BRMS1L: variants seen among roughly 807,000 people sequenced by gnomAD.
BRMS1L encodes BRMS1 like transcriptional repressor, also known as breast cancer metastasis-suppressor 1-like protein.
Under a neutral mutation model 50.3 loss-of-function variants are expected in BRMS1L, and 23 were observed. The observed-to-expected ratio is 0.46, with a 90% CI of 0.33 to 0.65. BRMS1L has a LOEUF of 0.65. Ranked by LOEUF, BRMS1L falls within the 30% of genes least tolerant of loss-of-function variation. The pLI is 0.02. For missense variants in BRMS1L, 286 were observed against 386.1 expected, an observed-to-expected ratio of 0.74 and a Z score of 2.17; for synonymous variants, 114 against 126.9, an observed-to-expected ratio of 0.90 and a Z score of 0.69.
chr14:35,852,996 A>G (rs749992484), intron 4 of BRMS1L, among the ~76,000 whole-genome samples: 2 of 150,292 alleles, frequency 1.3e-5, no homozygotes, highest in Non-Finnish European at 2.9e-5. Flanking sequence ...ATCTGTATCT[A>G]TCTATCTATC....
chr14:35,851,383 C>CAA (rs35957897), intron 4 of BRMS1L, among the ~76,000 whole-genome samples: 164 of 83,938 alleles, frequency 2.0e-3, no homozygotes, highest in Middle Eastern at 7.5e-3. Flanking sequence ...AAAAGCATGC[C>CAA]AAAAAAAAAA....
At chr14:35,829,031 TG>T (rs1279546924) in intron 1 of BRMS1L, among the ~76,000 whole-genome samples, 2 of 151,982 alleles carry the variant, frequency 1.3e-5, no homozygotes, top group African/African-American at 4.8e-5. Flanking sequence ...CTGCAACCTC[TG>T]CCTCCTGGAT....
rs1425921948 is a variant in BRMS1L, at chr14:35,868,874, TTATATAACTATTTG to T, written c.854+847_854+860del. Among the ~76,000 whole-genome samples the T allele has an allele frequency of 4.6e-5, 7 of 152,338 alleles. 1 individual carries two copies. Among genetic ancestry groups the T allele is most frequent in the Middle Eastern group, 3.4e-3 (1 of 294 alleles). ...TAATATGTCTAGGCTTAAATAAAGT[TTATATAACTATTTG>T]TATAGCCTTCTAAGTTTTATCTGGT... On this transcript the variant is annotated intron_variant, in intron 9 of 9. Transcript: ENST00000216807.
At chr14:35,834,597 T>C (rs541588480) in intron 3 of BRMS1L, among the ~76,000 whole-genome samples, 1 of 152,306 alleles carries the variant, frequency 6.6e-6, no homozygotes, top group African/African-American at 2.4e-5. Flanking sequence ...GAGTAATCTT[T>C]AGAAGAATAG....
At chr14:35,852,794 G>A (rs956832895) in intron 4 of BRMS1L, among the ~76,000 whole-genome samples, 4 of 152,086 alleles carry the variant, frequency 2.6e-5, no homozygotes, top group Non-Finnish European at 5.9e-5. Context: ...AGCCGGGCGC[G>A]GTGGCGGGCA....
At chr14:35,843,609 G>T (rs1166901641) in intron 4 of BRMS1L, among the ~76,000 whole-genome samples, 2 of 152,214 alleles carry the variant, frequency 1.3e-5, no homozygotes, top group Non-Finnish European at 2.9e-5. Context: ...CCTGTATGAG[G>T]TGTCTGTCCA....
At chr14:35,866,428 T>A (rs949004626) in intron 8 of BRMS1L, among the ~76,000 whole-genome samples, 2 of 152,208 alleles carry the variant, frequency 1.3e-5, no homozygotes, top group African/African-American at 2.4e-5. Context: ...AGGCTGGGCA[T>A]GGTGGCTCAT....
At chr14:35,831,853 A>C (rs2077923448) in intron 2 of BRMS1L, among the ~76,000 whole-genome samples, 1 of 152,152 alleles carries the variant, frequency 6.6e-6, no homozygotes, top group South Asian at 2.1e-4. Context: ...CCAGGAGGTC[A>C]AGGCTGCAAG....
In BRMS1L at chr14:35,829,641, T is replaced by C. The variant is rs572413317; in HGVS notation, c.143-1769T>C. 1.3e-4 allele frequency among the ~76,000 whole-genome samples: 20 copies of C among 152,292 alleles called. 1 individual carries two copies. The East Asian group carries it at 3.9e-3, about 29-fold the overall frequency. On this transcript the variant is annotated intron_variant, in intron 1 of 9. Transcript: ENST00000216807. ...TCTACTATCCAGAGAACTTGGATAG[T>C]GAGTCATCTTGAGGGACCAAGTTTT... is the stretch of plus-strand genomic sequence containing the variant.
Position 35,871,401 on chromosome 14 carries a change from A to G in BRMS1L, c.*924A>G, listed in dbSNP as rs912630050. On this transcript the variant is annotated 3_prime_UTR_variant, in exon 10 of 10. Transcript: ENST00000216807. Reference sequence around the variant, plus strand: ...TTTCCTTGAATCTATTTCCAAATTAATATTTTTTTCTTTGGTATTTCTACA... The same window carrying G: ...TTTCCTTGAATCTATTTCCAAATTAGTATTTTTTTCTTTGGTATTTCTACA... The G allele has an allele frequency of 1.3e-5, 2 of 152,638 alleles. No homozygotes were observed. Among genetic ancestry groups the G allele is most frequent in the Non-Finnish European group, 2.9e-5 (2 of 68,040 alleles). The allele number at this position is 152,638 out of a possible 1,614,324, so 9.5% of individuals were successfully genotyped here.
At chr14:35,850,380 T>C (rs940392909) in intron 4 of BRMS1L, among the ~76,000 whole-genome samples, 5 of 151,732 alleles carry the variant, frequency 3.3e-5, no homozygotes, top group African/African-American at 1.2e-4. Context: ...GCTAATTTTG[T>C]ATTTTTAGTA....
intron 4 of BRMS1L, among the ~76,000 whole-genome samples, chr14:35,850,980 A>G (rs927440271): frequency 3.9e-5 from 6 of 152,318 alleles, no homozygotes; most frequent in Admixed American, 3.3e-4. Flanking sequence ...GGTTTCTTGT[A>G]TCTTTTGTTT....
Position 35,826,434 on chromosome 14 carries a change from T to G in BRMS1L, c.-83T>G. On this transcript the variant is annotated 5_prime_UTR_variant, in exon 1 of 10. Transcript: ENST00000216807. ...CGAGCAAGCTCGGTGGCTGGGTGGGTTGGGGCGTTCCGCGCGCCCTTCATT... is the reference window on the plus strand; with the variant it reads ...CGAGCAAGCTCGGTGGCTGGGTGGGGTGGGGCGTTCCGCGCGCCCTTCATT... The G allele has an allele frequency of 6.5e-7, 1 of 1,538,574 alleles. No homozygotes were observed. Among genetic ancestry groups the G allele is most frequent in the Non-Finnish European group, 8.8e-7 (1 of 1,142,400 alleles).
In BRMS1L at chr14:35,826,379, C is replaced by G. The variant is rs1489773552; in HGVS notation, c.-138C>G. ...AGCCTGCGGGTTAGGTTGTGAGGCC[C>G]GGGCCGGGGGCGGGGAGGAGCCAAG... is the stretch of plus-strand genomic sequence containing the variant. On this transcript the variant is annotated 5_prime_UTR_variant, in exon 1 of 10. Coordinates refer to ENST00000216807, the MANE Select transcript of BRMS1L (RefSeq NM_032352.4). The G allele has an allele frequency of 1.5e-6, 2 of 1,328,248 alleles. No individual in the cohort carries two copies. The highest frequency in any genetic ancestry group is 2.3e-5 in the Admixed American group (1 of 44,072). The allele number at this position is 1,328,248 out of a possible 1,614,324, so 82.3% of individuals were successfully genotyped here.
chr14:35,845,897 G>A (rs1215917970), intron 4 of BRMS1L, among the ~76,000 whole-genome samples: 1 of 152,068 alleles, frequency 6.6e-6, no homozygotes, highest in African/African-American at 2.4e-5. Flanking sequence ...CTGGGACTAT[G>A]CCACTGCACC....
At chr14:35,843,203 T>C (rs993397094) in intron 4 of BRMS1L, among the ~76,000 whole-genome samples, 3 of 152,206 alleles carry the variant, frequency 2.0e-5, no homozygotes, top group African/African-American at 7.2e-5. Context: ...TCATTCTCTG[T>C]CCAGTTTTGT....
In BRMS1L at chr14:35,871,007, C is replaced by T. The variant is rs1237823261; in HGVS notation, c.*530C>T. ...AGAACTGATGGCCATACCTTACAATCTTGTTTTACCCAAAATTAAGCTATT... is the reference window on the plus strand; with the variant it reads ...AGAACTGATGGCCATACCTTACAATTTTGTTTTACCCAAAATTAAGCTATT... On this transcript the variant is annotated 3_prime_UTR_variant, in exon 10 of 10. Transcript: ENST00000216807. 1 of 152,580 alleles carries T rather than the reference C, an allele frequency of 6.6e-6. No homozygotes were observed. Among genetic ancestry groups the T allele is most frequent in the East Asian group, 1.9e-4 (1 of 5,188 alleles). The allele number at this position is 152,580 out of a possible 1,614,324, so 9.5% of individuals were successfully genotyped here.
At chr14:35,831,361 T>TA in intron 1 of BRMS1L, 49 bp from the exon 2 acceptor site, 1 of 1,364,752 alleles carries the variant, frequency 7.3e-7, no homozygotes, top group Non-Finnish European at 1.0e-6. Flanking sequence ...GATGTTCAGA[T>TA]AAATTTGAAA....
intron 4 of BRMS1L, among the ~76,000 whole-genome samples, chr14:35,852,922 C>A (rs1265817872): frequency 9.2e-5 from 14 of 151,488 alleles, no homozygotes; most frequent in African/African-American, 3.4e-4. Context: ...AAGAGCGAGG[C>A]TCCGTCTCAA....
Sources: allele counts gnomAD v4.1 joint callset (sites outside exome capture counted in the v4.1 genomes callset), GRCh38; gene constraint gnomAD v4.1.1; transcripts MANE v1.5; gene names NCBI Gene and HGNC (gene_info 2026-07-23, HGNC 2026-07-21).